Variants in CHRM3 observed in about 807,000 individuals in gnomAD.
CHRM3 encodes cholinergic receptor muscarinic 3, also known as muscarinic acetylcholine receptor M3.
Under a neutral mutation model 41.8 loss-of-function variants are expected in CHRM3, and 11 were observed. The ratio of observed to expected loss-of-function variants is 0.26; its 90% CI spans 0.17 to 0.44. The LOEUF (loss-of-function observed/expected upper bound fraction) is 0.44, where lower values mean the gene tolerates loss of function less well. Among genes scored for constraint, CHRM3 ranks in the 20% least tolerant of loss-of-function variants. The pLI is 1.00. For synonymous variants in CHRM3, 297 were observed against 301.4 expected (o/e 0.99, Z 0.15); for missense variants, 571 against 745.4 (o/e 0.77, Z 2.72).
At chr1:239,555,905 T>C (rs77029795) in intron 3 of CHRM3, among the ~76,000 whole-genome samples, 5,397 of 152,222 alleles carry the variant, frequency 0.035, 354 homozygotes, top group African/African-American at 0.12. Flanking sequence ...AAAGGAACAG[T>C]TCAAAAATTG....
chr1:239,896,644 C>T (rs909298739), intron 6 of CHRM3, among the ~76,000 whole-genome samples: 12 of 152,148 alleles, frequency 7.9e-5, no homozygotes, highest in African/African-American at 2.9e-4. Context: ...TGTATGATCT[C>T]CCTTTAGAGC....
At chr1:239,589,521 C>CTA (rs1370473792) in intron 3 of CHRM3, among the ~76,000 whole-genome samples, 1 of 148,748 alleles carries the variant, frequency 6.7e-6, no homozygotes, top group Non-Finnish European at 1.5e-5. Flanking sequence ...ATGTATAAAA[C>CTA]TATATATATA....
intron 5 of CHRM3, among the ~76,000 whole-genome samples, chr1:239,769,542 G>A (rs1054460078): frequency 4.6e-5 from 7 of 152,136 alleles, no homozygotes; most frequent in Admixed American, 2.0e-4. Context: ...TGACTTTGTC[G>A]CTGTAGCTCT....
intron 3 of CHRM3, among the ~76,000 whole-genome samples, chr1:239,584,266 G>A (rs576475150): frequency 1.9e-3 from 289 of 151,864 alleles, no homozygotes; most frequent in African/African-American, 6.6e-3. Flanking sequence ...ACCATGCCTG[G>A]CTAATTTTTG....
At chr1:239,471,163 T>C (rs1329596700) in intron 1 of CHRM3, among the ~76,000 whole-genome samples, 1 of 152,222 alleles carries the variant, frequency 6.6e-6, no homozygotes, top group Non-Finnish European at 1.5e-5. Flanking sequence ...AATGAATCAC[T>C]AATTTTCTTT....
intron 6 of CHRM3, among the ~76,000 whole-genome samples, chr1:239,876,024 C>T (rs1040497182): frequency 6.6e-6 from 1 of 152,118 alleles, no homozygotes; most frequent in Admixed American, 6.5e-5. Context: ...GTGAGAGCAT[C>T]AAAAAAGCTG....
chr1:239,593,678 A>C (rs1268528548), intron 3 of CHRM3, among the ~76,000 whole-genome samples: 1 of 152,166 alleles, frequency 6.6e-6, no homozygotes, highest in Non-Finnish European at 1.5e-5. Context: ...GTGAACTACC[A>C]GGTTAAACAA....
At chr1:239,437,651 C>T (rs1663380534) in intron 1 of CHRM3, among the ~76,000 whole-genome samples, 1 of 152,184 alleles carries the variant, frequency 6.6e-6, no homozygotes, top group South Asian at 2.1e-4. Flanking sequence ...ATTCTCCTAT[C>T]TCAGCCTCCT....
At chr1:239,764,666 A>G (rs1667058566) in intron 5 of CHRM3, among the ~76,000 whole-genome samples, 1 of 152,240 alleles carries the variant, frequency 6.6e-6, no homozygotes. Context: ...AACAGAAAAC[A>G]ATTATGTTAA....
chr1:239,546,493 T>G (rs1164186911), intron 3 of CHRM3: 1 of 152,198 alleles, frequency 6.6e-6, no homozygotes, highest in African/African-American at 2.4e-5. Flanking sequence ...GTGACCATAA[T>G]TGTCTCTTCC....
chr1:239,852,747 A>C (rs1674797261), intron 6 of CHRM3, among the ~76,000 whole-genome samples: 1 of 152,130 alleles, frequency 6.6e-6, no homozygotes, highest in Non-Finnish European at 1.5e-5. Flanking sequence ...CATAGTGCTG[A>C]CGTAGTTCAT....
intron 4 of CHRM3, among the ~76,000 whole-genome samples, chr1:239,637,428 T>C (rs539078099): frequency 6.6e-6 from 1 of 151,720 alleles, no homozygotes; most frequent in Non-Finnish European, 1.5e-5. Context: ...CCTTAGAATA[T>C]AGTCCCAGAA....
At chr1:239,883,137 C>T (rs2102888679) in intron 6 of CHRM3, among the ~76,000 whole-genome samples, 1 of 152,350 alleles carries the variant, frequency 6.6e-6, no homozygotes, top group Admixed American at 6.5e-5. Flanking sequence ...ATCACTCACT[C>T]AGTGGGATAA....
chr1:239,842,210 CTTTT>C (rs11294705), intron 6 of CHRM3, among the ~76,000 whole-genome samples: 3 of 128,034 alleles, frequency 2.3e-5, no homozygotes, highest in Non-Finnish European at 5.0e-5. Context: ...ACATGTACTT[CTTTT>C]TTTTTTTTTT....
At chr1:239,803,136 C>CTT (rs1374063402) in intron 5 of CHRM3, among the ~76,000 whole-genome samples, 1 of 152,026 alleles carries the variant, frequency 6.6e-6, no homozygotes, top group Non-Finnish European at 1.5e-5. Context: ...TTGGGGGTAA[C>CTT]ATGGTGAAGG....
In CHRM3 at chr1:239,914,583, T is replaced by G. The variant is rs1467048676; in HGVS notation, c.*5359T>G. 1 of 167,048 alleles carries G rather than the reference T, an allele frequency of 6.0e-6. No homozygotes were observed. Among genetic ancestry groups the G allele is most frequent in the Non-Finnish European group, 1.5e-5 (1 of 68,100 alleles). The allele number at this position is 167,048 out of a possible 1,614,324, so 10.3% of individuals were successfully genotyped here. A position where few individuals can be genotyped will look rare whatever the true frequency, so the allele number is the denominator to read the frequency against. On this transcript the variant is annotated 3_prime_UTR_variant, in exon 7 of 7. Transcript: ENST00000676153. ...TAACTCTGTTTTTTATCCCTAGAAC[T>G]CAGAAACTTTACTGGATTGGTCAAC...
At chr1:239,695,890 A>G (rs1280373132) in intron 5 of CHRM3, among the ~76,000 whole-genome samples, 2 of 152,214 alleles carry the variant, frequency 1.3e-5, no homozygotes, top group African/African-American at 4.8e-5. Flanking sequence ...ATTCATGTGC[A>G]CTAAGTACTT....
Position 239,413,550 on chromosome 1 carries a change from A to G in CHRM3, c.-521+26323A>G, listed in dbSNP as rs544328948. ...TGTTCTGACCCCCTCAGCCTCCTAAATTGCTGGGATTACAGGCGTGAGCCA... is the reference window on the plus strand; with the variant it reads ...TGTTCTGACCCCCTCAGCCTCCTAAGTTGCTGGGATTACAGGCGTGAGCCA... On this transcript the variant is annotated intron_variant, in intron 1 of 6. Coordinates refer to ENST00000676153, the MANE Select transcript of CHRM3 (RefSeq NM_001375978.1). Among the ~76,000 whole-genome samples, 18 of 152,192 alleles carry G rather than the reference A, an allele frequency of 1.2e-4. 1 individual carries two copies. The highest frequency in any genetic ancestry group is 3.9e-4 in the African/African-American group (16 of 41,532).
chr1:239,590,442 A>C (rs1239888037), intron 3 of CHRM3, among the ~76,000 whole-genome samples: 9 of 152,200 alleles, frequency 5.9e-5, no homozygotes, highest in Admixed American at 5.9e-4. Flanking sequence ...AAACAAGTAC[A>C]TTTGGGAACC....
Sources: gnomAD v4.1 joint callset for allele counts (sites outside exome capture counted in the v4.1 genomes callset) on GRCh38, gnomAD v4.1.1 for gene constraint, MANE v1.5 for transcripts, NCBI Gene and HGNC (gene_info 2026-07-23, HGNC 2026-07-21) for gene names.